ZFP1: variants seen among roughly 807,000 people sequenced by gnomAD.
ZFP1 encodes the protein ZFP1 zinc finger protein, also known as zinc finger protein 1 homolog.
A neutral mutation model predicts 38.5 loss-of-function variants in ZFP1; 32 were observed. That is an observed-to-expected ratio of 0.83 (90% CI 0.63 to 1.12). The LOEUF is 1.12. Ranked by LOEUF, ZFP1 falls within the 50% of genes most tolerant of loss-of-function variation. The pLI is 0.00. For synonymous variants in ZFP1, 245 were observed against 168.8 expected, an observed-to-expected ratio of 1.45 and a Z score of -3.50; for missense variants, 616 against 480.8, an observed-to-expected ratio of 1.28 and a Z score of -2.63.
At chr16:75,139,520 C>A in the ZFP1 span, among the ~76,000 whole-genome samples, 1 of 151,838 alleles carries the variant, frequency 6.6e-6, no homozygotes, top group Non-Finnish European at 1.5e-5. Context: ...AGAGAGACCC[C>A]ATCTCTACCA....
At chr16:75,167,868 G>T (rs149222152) in intron 3 of ZFP1, among the ~76,000 whole-genome samples, 1 of 152,224 alleles carries the variant, frequency 6.6e-6, no homozygotes, top group East Asian at 1.9e-4. Context: ...AGGCTGAGGC[G>T]GGCAGATCAC....
chr16:75,141,288 C>T, the ZFP1 span, among the ~76,000 whole-genome samples: 4 of 148,788 alleles, frequency 2.7e-5, no homozygotes, highest in East Asian at 2.1e-4. Context: ...CTGCAAGCTC[C>T]GCCTCCCGGG....
chr16:75,144,821 T>C (rs945364343), upstream of ZFP1, among the ~76,000 whole-genome samples: 107 of 152,314 alleles, frequency 7.0e-4, no homozygotes, highest in Admixed American at 7.0e-3. Context: ...GTCTGCCTTC[T>C]TTCTTTTTTT....
chr16:75,148,841 G>C (rs1306416154), intron 1 of ZFP1, 198 bp downstream of exon 1: 1 of 152,312 alleles, frequency 6.6e-6, no homozygotes, highest in Non-Finnish European at 1.5e-5. Flanking sequence ...CCGAACGTGC[G>C]GGGGCGGGGA....
chr16:75,125,754 G>T, the ZFP1 span, among the ~76,000 whole-genome samples: 2 of 151,928 alleles, frequency 1.3e-5, no homozygotes, highest in Non-Finnish European at 2.9e-5. Flanking sequence ...AAGAATGAAG[G>T]TTTTCAGGCC....
chr16:75,122,534 A>G, the ZFP1 span, among the ~76,000 whole-genome samples: 149 of 152,360 alleles, frequency 9.8e-4, 4 homozygotes, highest in East Asian at 0.028. Context: ...GAATCAAAGA[A>G]TAAGAGAGCT....
At position 75,170,186 on chromosome 16, in the gene ZFP1, A is replaced by G. The variant is rs376268190; in HGVS notation, c.1076A>G (p.Lys359Arg). The change falls in exon 4 of 4, where the codon AAA (lysine) becomes AGA (arginine). Residue 359 changes from lysine (K) to arginine (R), a missense_variant. Physicochemically the swap from Lys to Arg is conservative, Grantham distance 26. Coordinates refer to ENST00000570010, the MANE Select transcript of ZFP1 (RefSeq NM_153688.4). ...CCCTATGAATGTACTGAGTGCGGCA[A>G]AACTTTCAGCCAGAGGTCAACTCTT... ...EKPYECTECG[K>R]TFSQRSTLRL... 3.1e-6 allele frequency: 5 copies of G among 1,614,094 alleles called. No individual in the cohort carries two copies. In the African/African-American group the frequency reaches 5.3e-5, roughly 17 times the overall value.
At chr16:75,145,616 G>A (rs958906405), upstream of ZFP1, among the ~76,000 whole-genome samples, 2 of 152,176 alleles carry the variant, frequency 1.3e-5, no homozygotes, top group Admixed American at 6.5e-5. Context: ...AGAGCAAGGT[G>A]GTGGAGAAGG....
the ZFP1 span, among the ~76,000 whole-genome samples, chr16:75,138,329 A>C: frequency 0.073 from 11,133 of 152,142 alleles, 1,371 homozygotes; most frequent in African/African-American, 0.25. Context: ...GCCACCGCGC[A>C]CAGCCAACTT....
rs1369536715 is a variant in ZFP1 at position 75,170,720 on chromosome 16, A to G, written c.*386A>G. 3 of 165,190 alleles carry G rather than the reference A, an allele frequency of 1.8e-5. No homozygotes were observed. Among genetic ancestry groups the G allele is most frequent in the Non-Finnish European group, 1.3e-5 (1 of 76,876 alleles). The allele number at this position is 165,190 out of a possible 1,614,324, so 10.2% of individuals were successfully genotyped here. A position where few individuals can be genotyped will look rare whatever the true frequency, so the allele number is the denominator to read the frequency against. On this transcript the variant is annotated 3_prime_UTR_variant, in exon 4 of 4. Transcript: ENST00000570010. The stretch of plus-strand genomic sequence containing the variant: ...GCTTTAGATCTGCACATGTGAATTT[A>G]GCATAATCACTGGGAATTTGAAATT...
chr16:75,169,157 C>T (rs1311828445), intron 3 of ZFP1, 96 bp from the exon 4 acceptor site: 2 of 1,413,622 alleles, frequency 1.4e-6, no homozygotes, highest in African/African-American at 2.9e-5. Context: ...ACTAAAGAGT[C>T]AGCCCTGTGA....
chr16:75,164,293 C>T (rs973913296), intron 2 of ZFP1, among the ~76,000 whole-genome samples: 6 of 152,142 alleles, frequency 3.9e-5, no homozygotes, highest in Non-Finnish European at 5.9e-5. Context: ...CTGATTTTAT[C>T]TGCTTTTCCT....
At chr16:75,149,512 T>C (rs958156718) in intron 1 of ZFP1, among the ~76,000 whole-genome samples, 1 of 152,066 alleles carries the variant, frequency 6.6e-6, no homozygotes, top group Non-Finnish European at 1.5e-5. Flanking sequence ...CCTATGTGAT[T>C]GTAATACTAT....
intron 2 of ZFP1, among the ~76,000 whole-genome samples, chr16:75,161,757 A>AATATATATATGT (rs1421384309): frequency 2.1e-4 from 3 of 14,302 alleles, no homozygotes; most frequent in Admixed American, 1.7e-3. Context: ...AGTTTTATGA[A>AATATATATATGT]ATATATATAT....
chr16:75,162,518 T>A (rs190597170), intron 2 of ZFP1, among the ~76,000 whole-genome samples: 1 of 152,330 alleles, frequency 6.6e-6, no homozygotes, highest in African/African-American at 2.4e-5. Context: ...AAGATTTTTT[T>A]TAAATATAAT....
chr16:75,119,378 T>G, the ZFP1 span, among the ~76,000 whole-genome samples: 3 of 151,706 alleles, frequency 2.0e-5, no homozygotes, highest in Non-Finnish European at 4.4e-5. Flanking sequence ...AGATCTAAAG[T>G]TCATTTTGTT....
intron 2 of ZFP1, among the ~76,000 whole-genome samples, chr16:75,154,630 G>C (rs1051692880): frequency 1.5e-5 from 2 of 134,108 alleles, no homozygotes; most frequent in African/African-American, 5.6e-5. Flanking sequence ...AGGCAAGAAA[G>C]AAAAGAGAAG....
the ZFP1 span, among the ~76,000 whole-genome samples, chr16:75,135,672 G>C: frequency 6.6e-6 from 1 of 152,196 alleles, no homozygotes; most frequent in East Asian, 1.9e-4. Context: ...GAAGAACAAA[G>C]GATGTTGAGG....
rs534373183 is a variant in ZFP1 at position 75,170,564 on chromosome 16, G to A, written c.*230G>A. ...ATCCAGTTGTAAATAGCCATACCCA[G>A]TTGTACTACAATGAGCTTTTTAAAA... is the stretch of plus-strand genomic sequence containing the variant. On this transcript the variant is annotated 3_prime_UTR_variant, in exon 4 of 4. Coordinates refer to ENST00000570010, the MANE Select transcript of ZFP1 (RefSeq NM_153688.4). The A allele has an allele frequency of 1.3e-4, 68 of 514,654 alleles. No individual in the cohort carries two copies. Among genetic ancestry groups the A allele is most frequent in the African/African-American group, 1.2e-3 (63 of 52,194 alleles). 31.9% of individuals were successfully genotyped at this position (514,654 alleles called of 1,614,324 possible). A position where few individuals can be genotyped will look rare whatever the true frequency, so the allele number is the denominator to read the frequency against.
Sources: allele counts gnomAD v4.1 joint callset (sites outside exome capture counted in the v4.1 genomes callset), GRCh38; gene constraint gnomAD v4.1.1; transcripts MANE v1.5; gene names NCBI Gene and HGNC (gene_info 2026-07-23, HGNC 2026-07-21).